DNMT3B: variants seen among roughly 807,000 people sequenced by gnomAD.
DNMT3B encodes DNA methyltransferase 3 beta.
In DNMT3B, 37 loss-of-function variants were observed where a neutral mutation model predicts 120.2. The ratio of observed to expected loss-of-function variants is 0.31; its 90% CI spans 0.24 to 0.40. DNMT3B has a LOEUF of 0.40. Ranked by LOEUF, DNMT3B falls within the 10% of genes least tolerant of loss-of-function variation. DNMT3B has a pLI of 1.00. For missense variants in DNMT3B, 878 were observed against 1,137.3 expected (o/e 0.77, Z 3.28); for synonymous variants, 412 against 442.8 (o/e 0.93, Z 0.87).
intron 3 of DNMT3B, among the ~76,000 whole-genome samples, chr20:32,782,362 T>C (rs996377374): frequency 6.6e-6 from 1 of 152,208 alleles, no homozygotes; most frequent in Non-Finnish European, 1.5e-5. Flanking sequence ...AGGTTTCTAC[T>C]GAAAACTATA....
At chr20:32,788,747 C>T in intron 6 of DNMT3B, 107 bp from the exon 7 acceptor site, 2 of 1,434,724 alleles carry the variant, frequency 1.4e-6, no homozygotes, top group East Asian at 2.3e-5. Flanking sequence ...CTACATCTTG[C>T]ATTTTATGGC....
At chr20:32,783,012 C>T (rs1000155795) in intron 3 of DNMT3B, among the ~76,000 whole-genome samples, 5 of 152,090 alleles carry the variant, frequency 3.3e-5, no homozygotes, top group Admixed American at 3.3e-4. Flanking sequence ...AACTTACTGC[C>T]TCCCAGGCCC....
intron 1 of DNMT3B, among the ~76,000 whole-genome samples, chr20:32,772,973 CCA>C (rs1338389095): frequency 6.6e-6 from 1 of 151,264 alleles, no homozygotes; most frequent in Non-Finnish European, 1.5e-5. Context: ...GCATGTGCCA[CCA>C]CCCCGGCTAA....
intron 14 of DNMT3B, among the ~76,000 whole-genome samples, chr20:32,797,786 A>G (rs568157509): frequency 6.6e-6 from 1 of 152,172 alleles, no homozygotes; most frequent in African/African-American, 2.4e-5. Flanking sequence ...CAGCCTCCCA[A>G]GTAGCTGGAA....
In DNMT3B at chr20:32,787,297, C is replaced by A; in HGVS notation, c.500C>A (p.Thr167Asn). ...CCGTCCCCTCCCAGCTCTTACCTTA[C>A]CATCGACCTCACAGACGACACAGAG... Reference protein sequence around the residue: ...PWPSPPSSYLTIDLTDDTEDT... With the variant: ...PWPSPPSSYLNIDLTDDTEDT... Residue 167 changes from threonine to asparagine, a missense_variant, in exon 6 of 23, where the codon ACC becomes AAC. Thr to Asn is a moderately conservative substitution (Grantham distance 65, BLOSUM62 0). Transcript: ENST00000328111. 8.1e-6 allele frequency: 13 copies of A among 1,614,246 alleles called. No homozygotes were observed. Among genetic ancestry groups the A allele is most frequent in the Non-Finnish European group, 1.1e-5 (13 of 1,180,050 alleles).
chr20:32,808,629 C>T lies in DNMT3B; in HGVS notation c.*726C>T, dbSNP rs1982213716. Reference sequence around the variant, plus strand: ...AGGGGCCACTCTTAGCTAAATCCCTCCCCGTGACTGCAATAGAACCCTCTG... The same window carrying T: ...AGGGGCCACTCTTAGCTAAATCCCTTCCCGTGACTGCAATAGAACCCTCTG... On this transcript the variant is annotated 3_prime_UTR_variant, in exon 23 of 23. Transcript: ENST00000328111. The T allele has an allele frequency of 4.3e-6, 1 of 230,828 alleles. No homozygotes were observed. The highest frequency in any genetic ancestry group is 8.6e-6 in the Non-Finnish European group (1 of 116,518). 14.3% of individuals were successfully genotyped at this position (230,828 alleles called of 1,614,324 possible).
In DNMT3B at chr20:32,802,436, C is replaced by T. The variant is rs1981470800; in HGVS notation, c.2197C>T (p.Arg733Ter). 6.2e-7 allele frequency: 1 copy of T among 1,614,076 alleles called. No homozygotes were observed. Among genetic ancestry groups the T allele is most frequent in the Non-Finnish European group, 8.5e-7 (1 of 1,180,016 alleles). Reference protein sequence around the residue: ...AIKVSAAHRARYFWGNLPGMN... With the variant: ...AIKVSAAHRA ...CAAAGTTTCTGCTGCTCACAGGGCC[C>T]GATACTTCTGGGGCAACCTACCCGG... The change falls in exon 20 of 23, where the codon CGA (arginine) becomes TGA (stop). Residue 733 changes from arginine to a stop codon, truncating the protein, a stop_gained. Transcript: ENST00000328111. LOFTEE classifies it high-confidence loss of function.
chr20:32,786,093 A>G (rs1453952638), intron 4 of DNMT3B, among the ~76,000 whole-genome samples: 1 of 152,194 alleles, frequency 6.6e-6, no homozygotes, highest in East Asian at 1.9e-4. Flanking sequence ...CATTTTATCC[A>G]GGATGATCCT....
chr20:32,762,405 C>G lies in DNMT3B; in HGVS notation c.-301C>G, dbSNP rs942143628. The G allele has an allele frequency of 4.5e-5, 7 of 154,730 alleles. No individual in the cohort carries two copies. The highest frequency in any genetic ancestry group is 8.5e-5 in the Non-Finnish European group (6 of 70,388). 9.6% of individuals were successfully genotyped at this position (154,730 alleles called of 1,614,324 possible). A position where few individuals can be genotyped will look rare whatever the true frequency, so the allele number is the denominator to read the frequency against. On this transcript the variant is annotated 5_prime_UTR_variant, in exon 1 of 23. Coordinates refer to ENST00000328111, the MANE Select transcript of DNMT3B (RefSeq NM_006892.4). Reference sequence around the variant, plus strand: ...TCCCCACCCACTCCCGCTGCCCCGTCCGGCCCGCGCCGCTTCCTCGCAGCA... The same window carrying G: ...TCCCCACCCACTCCCGCTGCCCCGTGCGGCCCGCGCCGCTTCCTCGCAGCA...
chr20:32,772,205 C>T (rs1335078699), intron 1 of DNMT3B, among the ~76,000 whole-genome samples: 2 of 152,148 alleles, frequency 1.3e-5, no homozygotes, highest in African/African-American at 4.8e-5. Flanking sequence ...GAGCTTTGAA[C>T]TGGGTGGTTT....
At chr20:32,806,149 C>T (rs1981956577) in intron 21 of DNMT3B, 60 bp from the exon 22 acceptor site, 5 of 1,515,484 alleles carry the variant, frequency 3.3e-6, no homozygotes, top group Non-Finnish European at 3.7e-6. Flanking sequence ...TACTTTTGAG[C>T]CTTGACTCCC....
chr20:32,806,418 C>A, intron 22 of DNMT3B, 91 bp downstream of exon 22: 1 of 1,164,504 alleles, frequency 8.6e-7, no homozygotes, highest in Non-Finnish European at 1.3e-6. Context: ...TTCTTGATGG[C>A]CTCACTGCCC....
At position 32,809,097 on chromosome 20, in the gene DNMT3B, C is replaced by G. The variant is rs544465929; in HGVS notation, c.*1194C>G. Reference sequence around the variant, plus strand: ...ATAATGGTTTTTAACACCTTTTACTCTTCTTACTGGTGCTATTTTGTAGAA... The same window carrying G: ...ATAATGGTTTTTAACACCTTTTACTGTTCTTACTGGTGCTATTTTGTAGAA... On this transcript the variant is annotated 3_prime_UTR_variant, in exon 23 of 23. Transcript: ENST00000328111. 3 of 216,502 alleles carry G rather than the reference C, an allele frequency of 1.4e-5. No individual in the cohort carries two copies. Among genetic ancestry groups the G allele is most frequent in the East Asian group, 1.4e-4 (2 of 14,512 alleles). 13.4% of individuals were successfully genotyped at this position (216,502 alleles called of 1,614,324 possible).
At chr20:32,793,628 T>G in intron 10 of DNMT3B, 33 bp downstream of exon 10, 1 of 1,608,870 alleles carries the variant, frequency 6.2e-7, no homozygotes, top group Non-Finnish European at 8.5e-7. Context: ...CTGTGCCCTG[T>G]TTTCTATGCA....
chr20:32,792,810 T>C, intron 9 of DNMT3B, 40 bp downstream of exon 9: 1 of 1,613,048 alleles, frequency 6.2e-7, no homozygotes, highest in Non-Finnish European at 8.5e-7. Context: ...CTGCCTCTGC[T>C]GGTGGGACCA....
chr20:32,778,609 TG>T (rs1988193453), intron 1 of DNMT3B, among the ~76,000 whole-genome samples: 1 of 152,238 alleles, frequency 6.6e-6, no homozygotes, highest in Non-Finnish European at 1.5e-5. Context: ...GGGGCGCCAC[TG>T]GGCTCATCAG....
intron 22 of DNMT3B, among the ~76,000 whole-genome samples, chr20:32,807,231 T>C (rs139983357): frequency 1.0e-3 from 159 of 152,308 alleles, no homozygotes; most frequent in African/African-American, 3.6e-3. Flanking sequence ...AGGCTCAGCC[T>C]CTGTAGCCTC....
intron 7 of DNMT3B, among the ~76,000 whole-genome samples, chr20:32,789,523 G>A (rs1338563696): frequency 6.6e-6 from 1 of 152,180 alleles, no homozygotes; most frequent in Non-Finnish European, 1.5e-5. Context: ...TCTTGGTAAT[G>A]ACATTTAGCT....
chr20:32,767,897 G>A (rs971617227), intron 1 of DNMT3B, among the ~76,000 whole-genome samples: 1 of 152,354 alleles, frequency 6.6e-6, no homozygotes. Context: ...CAGCATTTAT[G>A]TCCTGTTGTA....
Sources: gnomAD v4.1 joint callset for allele counts (sites outside exome capture counted in the v4.1 genomes callset) on GRCh38, gnomAD v4.1.1 for gene constraint, MANE v1.5 for transcripts, NCBI Gene and HGNC (gene_info 2026-07-23, HGNC 2026-07-21) for gene names.